The following GPD2 variants were observed in gnomAD, a reference collection of about 807,000 sequenced individuals.
GPD2 encodes glycerol-3-phosphate dehydrogenase, mitochondrial.
In GPD2, 54 loss-of-function variants were observed where a neutral mutation model predicts 82.4. The observed-to-expected ratio is 0.66, with a 90% confidence interval of 0.53 to 0.82. The LOEUF (loss-of-function observed/expected upper bound fraction) is 0.82, where lower values mean the gene tolerates loss of function less well. Among genes scored for constraint, GPD2 ranks in the 40% least tolerant of loss-of-function variants. The pLI, the probability that GPD2 is intolerant of heterozygous loss-of-function variation, is 0.00. For missense variants in GPD2, 748 were observed against 896.2 expected (o/e 0.83, Z 2.11); for synonymous variants, 288 against 306.1 (o/e 0.94, Z 0.62).
chr2:156,427,959 G>A, the GPD2 span, among the ~76,000 whole-genome samples: 1 of 152,146 alleles, frequency 6.6e-6, no homozygotes, highest in African/African-American at 2.4e-5. Flanking sequence ...CTATTCTGCT[G>A]TGTGCATACA....
At chr2:156,575,267 TTGCG>T (rs2105372108) in intron 13 of GPD2, among the ~76,000 whole-genome samples, 1 of 152,304 alleles carries the variant, frequency 6.6e-6, no homozygotes, top group South Asian at 2.1e-4. Flanking sequence ...GGCATTGATC[TTGCG>T]TGGTTTTCTA....
chr2:156,437,485 A>G (rs1476278094), intron 1 of GPD2, among the ~76,000 whole-genome samples: 3 of 152,046 alleles, frequency 2.0e-5, no homozygotes, highest in Non-Finnish European at 2.9e-5. Context: ...CCCAATGGAG[A>G]CCGTGTGCAG....
At chr2:156,467,604 A>G (rs1391334664) in intron 1 of GPD2, among the ~76,000 whole-genome samples, 1 of 152,224 alleles carries the variant, frequency 6.6e-6, no homozygotes, top group Non-Finnish European at 1.5e-5. Flanking sequence ...ACGGAAGGAT[A>G]AAAGTGTCTT....
At chr2:156,462,491 G>A (rs1014888348) in intron 1 of GPD2, among the ~76,000 whole-genome samples, 7 of 147,544 alleles carry the variant, frequency 4.7e-5, no homozygotes, top group Non-Finnish European at 6.0e-5. Context: ...TAGTAGAGAC[G>A]GGGTTTCTCC....
Position 156,570,161 on chromosome 2 carries a change from A to C in GPD2, c.1551A>C (p.Lys517Asn). The C allele has an allele frequency of 6.2e-7, 1 of 1,612,940 alleles. No homozygotes were observed. Among genetic ancestry groups the C allele is most frequent in the Non-Finnish European group, 8.5e-7 (1 of 1,179,272 alleles). ...EVAKMASVTG[K>N]RWPIVGVRLV... ...CCAAAATGGCAAGTGTGACTGGCAAAAGGTGGCCTATTGTTGGAGTACGTC... is the reference window on the plus strand; with the variant it reads ...CCAAAATGGCAAGTGTGACTGGCAACAGGTGGCCTATTGTTGGAGTACGTC... Residue 517 changes from lysine (K) to asparagine (N), a missense_variant, in exon 12 of 17, where the codon AAA becomes AAC. Transcript: ENST00000438166.
intron 2 of GPD2, among the ~76,000 whole-genome samples, chr2:156,479,238 A>C (rs902390659): frequency 6.6e-6 from 1 of 152,258 alleles, no homozygotes; most frequent in Non-Finnish European, 1.5e-5. Flanking sequence ...TTAATTAAAC[A>C]TAAGACAGAT....
chr2:156,482,963 T>C (rs562479588), intron 2 of GPD2, among the ~76,000 whole-genome samples: 35 of 152,214 alleles, frequency 2.3e-4, no homozygotes, highest in African/African-American at 8.4e-4. Context: ...TCAGCAGGAA[T>C]TTTGAGAACG....
At position 156,497,180 on chromosome 2, in the gene GPD2, C is replaced by T. The variant is rs551247948; in HGVS notation, c.274+965C>T. Among the ~76,000 whole-genome samples, 5 of 152,126 alleles carry T rather than the reference C, an allele frequency of 3.3e-5. No individual in the cohort carries two copies. In the South Asian group the frequency reaches 1.0e-3, roughly 32 times the overall value. On this transcript the variant is annotated intron_variant, in intron 3 of 16. Transcript: ENST00000438166. ...TGTGTATGTGTTGGTGGACGGGGGG[C>T]AAAGCACTTAATTTGTCTAAGGTTC...
the GPD2 span, among the ~76,000 whole-genome samples, chr2:156,407,092 A>C: frequency 6.6e-6 from 1 of 152,100 alleles, no homozygotes; most frequent in East Asian, 1.9e-4. Context: ...CATGCCTGTA[A>C]TCCCAGCTAC....
chr2:156,564,443 G>A (rs1687292322), intron 9 of GPD2, among the ~76,000 whole-genome samples: 1 of 152,152 alleles, frequency 6.6e-6, no homozygotes, highest in Non-Finnish European at 1.5e-5. Context: ...GTGATATGGA[G>A]AGGAACCTGT....
chr2:156,580,215 A>G (rs577888611), intron 16 of GPD2, among the ~76,000 whole-genome samples: 1 of 152,336 alleles, frequency 6.6e-6, no homozygotes, highest in East Asian at 1.9e-4. Flanking sequence ...GTATGGTTCT[A>G]TTCACTAATG....
chr2:156,424,090 G>A, the GPD2 span, among the ~76,000 whole-genome samples: 1 of 152,032 alleles, frequency 6.6e-6, no homozygotes, highest in Non-Finnish European at 1.5e-5. Flanking sequence ...TGGAGAGAAC[G>A]TGGCGCAGTT....
intron 6 of GPD2, among the ~76,000 whole-genome samples, chr2:156,523,010 C>G (rs1055755301): frequency 1.2e-4 from 18 of 151,954 alleles, no homozygotes; most frequent in African/African-American, 4.3e-4. Context: ...CCCCTGCTCC[C>G]ATACATGTTT....
chr2:156,500,480 C>T (rs1684550083), intron 3 of GPD2, among the ~76,000 whole-genome samples: 1 of 152,144 alleles, frequency 6.6e-6, no homozygotes, highest in Admixed American at 6.6e-5. Flanking sequence ...CACTTAACAA[C>T]AAATTTTGCT....
chr2:156,476,554 A>G (rs887582753), intron 2 of GPD2, among the ~76,000 whole-genome samples: 2 of 152,222 alleles, frequency 1.3e-5, no homozygotes, highest in African/African-American at 4.8e-5. Flanking sequence ...TCCTGCCAAA[A>G]GTTTGTCTTA....
At chr2:156,533,530 T>C (rs1175609710) in intron 6 of GPD2, among the ~76,000 whole-genome samples, 1 of 151,354 alleles carries the variant, frequency 6.6e-6, no homozygotes, top group Non-Finnish European at 1.5e-5. Flanking sequence ...TAGCTCTAGA[T>C]AGTTTTTTAA....
intron 2 of GPD2, among the ~76,000 whole-genome samples, chr2:156,492,146 C>T (rs1167506861): frequency 7.6e-6 from 1 of 131,974 alleles, no homozygotes; most frequent in Non-Finnish European, 1.6e-5. Context: ...TCCCTCCCTA[C>T]CTTTTTTTTT....
intron 9 of GPD2, among the ~76,000 whole-genome samples, chr2:156,558,743 G>A (rs1162641833): frequency 4.4e-5 from 6 of 135,704 alleles, no homozygotes; most frequent in South Asian, 4.7e-4. Context: ...GATTACAGGT[G>A]CCCACCACCA....
chr2:156,453,889 C>T (rs915437435), intron 1 of GPD2, among the ~76,000 whole-genome samples: 3 of 151,696 alleles, frequency 2.0e-5, no homozygotes, highest in Non-Finnish European at 4.4e-5. Flanking sequence ...AAACAAAAAA[C>T]AAAACAAAAA....
Sources: gnomAD v4.1 joint callset for allele counts (sites outside exome capture counted in the v4.1 genomes callset) on GRCh38, gnomAD v4.1.1 for gene constraint, MANE v1.5 for transcripts, NCBI Gene and HGNC (gene_info 2026-07-23, HGNC 2026-07-21) for gene names.